The following LARP1 variants were observed in gnomAD, a reference collection of about 807,000 sequenced individuals.
LARP1 encodes the protein la-related protein 1.
Under a neutral mutation model 122.7 loss-of-function variants are expected in LARP1, and 36 were observed. The ratio of observed to expected loss-of-function variants is 0.29; its 90% confidence interval spans 0.22 to 0.39. The LOEUF (loss-of-function observed/expected upper bound fraction) is 0.39. Among genes scored for constraint, LARP1 ranks in the 10% least tolerant of loss-of-function variants. The pLI is 1.00. For synonymous variants in LARP1, 539 were observed against 528.7 expected, an observed-to-expected ratio of 1.02 and a Z score of -0.27; for missense variants, 1,040 against 1,403.6, an observed-to-expected ratio of 0.74 and a Z score of 4.14.
chr5:154,737,436 C>CTTTTTTTTTTTTTT (rs10526758), intron 1 of LARP1, among the ~76,000 whole-genome samples: 1 of 95,304 alleles, frequency 1.0e-5, no homozygotes, highest in Non-Finnish European at 2.0e-5. Flanking sequence ...GAATTTTTCT[C>CTTTTTTTTTTTTTT]TTTTTTTTTT....
At chr5:154,801,920 C>A in intron 10 of LARP1, 87 bp from the exon 11 acceptor site, 2 of 1,296,062 alleles carry the variant, frequency 1.5e-6, no homozygotes, top group Non-Finnish European at 2.1e-6. Flanking sequence ...TGTTGAGAGG[C>A]TGGAGCTTCC....
At chr5:154,732,020 GAAAA>G (rs34082968) in intron 1 of LARP1, among the ~76,000 whole-genome samples, 1 of 135,080 alleles carries the variant, frequency 7.4e-6, no homozygotes. Flanking sequence ...GACTCCGTCT[GAAAA>G]AAAAAAAAAA....
At chr5:154,693,016 A>AG (rs1582146109) in intron 1 of LARP1, among the ~76,000 whole-genome samples, 1 of 149,022 alleles carries the variant, frequency 6.7e-6, no homozygotes, top group East Asian at 2.0e-4. Context: ...GTAGAGACAA[A>AG]GTCTCATTAT....
rs1554078115 is a variant in LARP1, at chr5:154,687,787, C to CA, written c.-180+4750_-180+4751insA. 2.9e-4 allele frequency among the ~76,000 whole-genome samples: 44 copies of CA among 152,098 alleles called. No homozygotes were observed. In the South Asian group the frequency reaches 6.2e-3, roughly 21 times the overall value. On this transcript the variant is annotated intron_variant, in intron 1 of 18. Transcript: ENST00000687700. ...GAGTTCAAGACCAGCCAGGATAACA[C>CA]GAGAGAACCTGTCTCAACAAAAAAA...
Position 154,743,254 on chromosome 5 carries a change from C to T in LARP1, c.205+30124C>T, listed in dbSNP as rs150677550. On this transcript the variant is annotated intron_variant, in intron 1 of 18. Coordinates refer to the LARP1 transcript ENST00000336314. ...TGGTGTAATAAATGCTAGCTATTGTCATTATCATTATTACTTTTATTATTA... is the reference window on the plus strand; with the variant it reads ...TGGTGTAATAAATGCTAGCTATTGTTATTATCATTATTACTTTTATTATTA... Among the ~76,000 whole-genome samples the T allele has an allele frequency of 1.4e-3, 207 of 151,950 alleles. 4 individuals carry two copies. In the East Asian group the frequency reaches 0.037, roughly 27 times the overall value.
intron 1 of LARP1, among the ~76,000 whole-genome samples, chr5:154,757,839 TG>T (rs1754111513): frequency 2.7e-5 from 1 of 37,546 alleles, no homozygotes; most frequent in East Asian, 1.1e-3. Context: ...CCTTCCCCCC[TG>T]CTCCCCTTCC....
chr5:154,752,765 C>A (rs1273466376), upstream of LARP1, among the ~76,000 whole-genome samples: 2 of 151,548 alleles, frequency 1.3e-5, no homozygotes, highest in Non-Finnish European at 2.9e-5. Flanking sequence ...ATGGTGAAAC[C>A]CCATCACTAC....
chr5:154,751,337 CAATA>C (rs1434205518), upstream of LARP1, among the ~76,000 whole-genome samples: 2 of 152,186 alleles, frequency 1.3e-5, no homozygotes, highest in African/African-American at 4.8e-5. Flanking sequence ...AATTTGAAGA[CAATA>C]ACCATTCCAG....
At chr5:154,692,955 C>T (rs368305417) in intron 1 of LARP1, among the ~76,000 whole-genome samples, 21 of 150,400 alleles carry the variant, frequency 1.4e-4, no homozygotes, top group African/African-American at 2.7e-4. Flanking sequence ...ACTACAGACA[C>T]GCACCACCAT....
intron 15 of LARP1, among the ~76,000 whole-genome samples, chr5:154,807,577 GT>G: frequency 6.6e-6 from 1 of 152,074 alleles, no homozygotes; most frequent in Non-Finnish European, 1.5e-5. Context: ...TTGAGACAGC[GT>G]TTTACTCTGT....
intron 1 of LARP1, among the ~76,000 whole-genome samples, chr5:154,757,644 G>A (rs953666556): frequency 6.6e-6 from 1 of 152,120 alleles, no homozygotes; most frequent in African/African-American, 2.4e-5. Context: ...AGGAGTAGAA[G>A]CACTGCTAGT....
chr5:154,806,468 T>C (rs889172407), intron 15 of LARP1, among the ~76,000 whole-genome samples: 2 of 152,146 alleles, frequency 1.3e-5, no homozygotes, highest in African/African-American at 2.4e-5. Context: ...CTAAGGACAG[T>C]TTTTACATTT....
chr5:154,780,443 C>G (rs1756329190), intron 1 of LARP1, among the ~76,000 whole-genome samples: 1 of 152,186 alleles, frequency 6.6e-6, no homozygotes, highest in African/African-American at 2.4e-5. Context: ...AGGCCCTGCC[C>G]TGACCCTGTG....
chr5:154,755,754 G>T lies in LARP1; in HGVS notation c.-4G>T. The stretch of plus-strand genomic sequence containing the variant: ...CCGGCTTCTCCGGGGGGGCGGGCGC[G>T]CAGATGGCCACTCAGGTGGAGCCGC... On this transcript the variant is annotated 5_prime_UTR_variant, in exon 1 of 19. Transcript: ENST00000518297. 1 of 987,270 alleles carries T rather than the reference G, an allele frequency of 1.0e-6. No homozygotes were observed. Among genetic ancestry groups the T allele is most frequent in the Non-Finnish European group, 1.2e-6 (1 of 830,444 alleles). 61.2% of individuals were successfully genotyped at this position (987,270 alleles called of 1,614,324 possible).
intron 1 of LARP1, among the ~76,000 whole-genome samples, chr5:154,746,077 C>T (rs1358752416): frequency 6.6e-6 from 1 of 152,156 alleles, no homozygotes; most frequent in Non-Finnish European, 1.5e-5. Flanking sequence ...GGATTACAGG[C>T]GTGAGCCACC....
At chr5:154,796,112 GTATA>G (rs1361301736) in intron 8 of LARP1, among the ~76,000 whole-genome samples, 4 of 81,594 alleles carry the variant, frequency 4.9e-5, no homozygotes, top group Admixed American at 3.4e-4. Flanking sequence ...TTTATATATA[GTATA>G]TATATTATAT....
At chr5:154,728,243 C>T (rs75809370) in intron 1 of LARP1, among the ~76,000 whole-genome samples, 6 of 152,132 alleles carry the variant, frequency 3.9e-5, no homozygotes, top group Non-Finnish European at 5.9e-5. Flanking sequence ...AAGCAGCCTG[C>T]GGATTCCGAT....
chr5:154,796,028 ATTT>A (rs1382388695), intron 8 of LARP1, among the ~76,000 whole-genome samples: 3 of 100,034 alleles, frequency 3.0e-5, no homozygotes, highest in African/African-American at 8.1e-5. Flanking sequence ...TATTATATAT[ATTT>A]TTATATATAT....
chr5:154,713,111 G>T, exon 1 of LARP1: 1 of 1,613,774 alleles, frequency 6.2e-7, no homozygotes, highest in Non-Finnish European at 8.5e-7. Context: ...TCCCTGTCCT[G>T]GCCCCCTTCA....
Sources: gnomAD v4.1 joint callset for allele counts (sites outside exome capture counted in the v4.1 genomes callset) on GRCh38, gnomAD v4.1.1 for gene constraint, MANE v1.5 for transcripts, NCBI Gene and HGNC (gene_info 2026-07-23, HGNC 2026-07-21) for gene names.